Variants in THSD7A observed in about 807,000 individuals in gnomAD.
THSD7A encodes thrombospondin type-1 domain-containing protein 7A.
A neutral mutation model predicts 231.3 loss-of-function variants in THSD7A; 96 were observed. That is an observed-to-expected ratio of 0.41 (90% CI 0.35 to 0.49). The LOEUF (loss-of-function observed/expected upper bound fraction) is 0.49, where lower values mean the gene tolerates loss of function less well. Ranked by LOEUF, THSD7A falls within the 20% of genes least tolerant of loss-of-function variation. The probability of loss-of-function intolerance (pLI) is 0.05; values close to 1 mark genes in which losing one functional copy is unlikely to be tolerated. For missense variants in THSD7A, 2,290 were observed against 2,070.2 expected (o/e 1.11, Z -2.06); for synonymous variants, 940 against 743.3 (o/e 1.26, Z -4.30).
In THSD7A at chr7:11,601,530, C is replaced by A. The variant is rs114895681; in HGVS notation, c.1023-8028G>T. ...GACTGTAGGATCACTTCAAGAGATG[C>A]AGCTCTTGTGGGAAATAAAGCTTTT... On this transcript the variant is annotated intron_variant, in intron 2 of 27. Coordinates refer to ENST00000423059, the MANE Select transcript of THSD7A (RefSeq NM_015204.3). Among the ~76,000 whole-genome samples, 364 of 152,276 alleles carry A rather than the reference C, an allele frequency of 2.4e-3. 1 individual carries two copies. The highest frequency in any genetic ancestry group is 8.4e-3 in the African/African-American group (348 of 41,542).
intron 20 of THSD7A, 65 bp from the exon 21 acceptor site, chr7:11,407,120 T>C: frequency 6.3e-7 from 1 of 1,578,338 alleles, no homozygotes; most frequent in South Asian, 1.1e-5. Flanking sequence ...TATATCTCAT[T>C]GGGAGAAGGC....
intron 11 of THSD7A, among the ~76,000 whole-genome samples, chr7:11,453,921 G>A (rs907209398): frequency 2.6e-5 from 4 of 151,940 alleles, no homozygotes; most frequent in African/African-American, 7.2e-5. Flanking sequence ...TCTATCCATA[G>A]TTATTATGGC....
intron 1 of THSD7A, among the ~76,000 whole-genome samples, chr7:11,708,674 G>A (rs1241779738): frequency 1.3e-5 from 2 of 150,596 alleles, no homozygotes; most frequent in Admixed American, 1.3e-4. Flanking sequence ...CTAGCTCAAG[G>A]GTGTCTGCCT....
At chr7:11,776,037 T>A (rs1322751269) in intron 1 of THSD7A, among the ~76,000 whole-genome samples, 2 of 152,154 alleles carry the variant, frequency 1.3e-5, no homozygotes, top group Non-Finnish European at 2.9e-5. Context: ...AAAACGTAAG[T>A]TAATAGCAGA....
chr7:11,671,231 T>G (rs190486280), intron 1 of THSD7A, among the ~76,000 whole-genome samples: 110 of 152,300 alleles, frequency 7.2e-4, no homozygotes, highest in African/African-American at 2.4e-3. Flanking sequence ...GATGGAAACC[T>G]AATGGCCAGC....
intron 1 of THSD7A, among the ~76,000 whole-genome samples, chr7:11,648,037 C>CT (rs1782349869): frequency 6.6e-6 from 1 of 152,096 alleles, no homozygotes; most frequent in Non-Finnish European, 1.5e-5. Flanking sequence ...TTTGGATCCA[C>CT]TTTCATTGAA....
At chr7:11,701,575 T>C (rs1207495958) in intron 1 of THSD7A, among the ~76,000 whole-genome samples, 2 of 151,094 alleles carry the variant, frequency 1.3e-5, no homozygotes, top group African/African-American at 2.4e-5. Context: ...GCAAAAACTG[T>C]GTTTTTTTTC....
intron 2 of THSD7A, among the ~76,000 whole-genome samples, chr7:11,622,534 T>C (rs994076221): frequency 6.6e-6 from 1 of 152,128 alleles, no homozygotes; most frequent in African/African-American, 2.4e-5. Flanking sequence ...ATCCAGGCCA[T>C]CTGAATCTGA....
Position 11,653,933 on chromosome 7 carries a change from T to C in THSD7A, c.191-16972A>G, listed in dbSNP as rs549910104. Among the ~76,000 whole-genome samples the C allele has an allele frequency of 2.0e-5, 3 of 152,046 alleles. No homozygotes were observed. The South Asian group carries it at 6.2e-4, about 32-fold the overall frequency. ...TTCACTTGAATTAATAGTTTATTGATTATTATTGAGTAAAAATATTCACAA... is the reference window on the plus strand; with the variant it reads ...TTCACTTGAATTAATAGTTTATTGACTATTATTGAGTAAAAATATTCACAA... On this transcript the variant is annotated intron_variant, in intron 1 of 27. Coordinates refer to ENST00000423059, the MANE Select transcript of THSD7A (RefSeq NM_015204.3).
At chr7:11,442,591 A>G (rs1212439180) in intron 13 of THSD7A, among the ~76,000 whole-genome samples, 1 of 152,084 alleles carries the variant, frequency 6.6e-6, no homozygotes, top group Non-Finnish European at 1.5e-5. Context: ...CATAGAGATT[A>G]TAATTAGGGG....
intron 13 of THSD7A, among the ~76,000 whole-genome samples, chr7:11,431,049 C>CT (rs1491563705): frequency 2.8e-4 from 43 of 152,126 alleles, no homozygotes; most frequent in Non-Finnish European, 8.8e-5. Flanking sequence ...ACTCACTTAG[C>CT]TTTTTCAGGA....
At chr7:11,742,362 C>A (rs1321736393) in intron 1 of THSD7A, among the ~76,000 whole-genome samples, 5 of 151,910 alleles carry the variant, frequency 3.3e-5, no homozygotes, top group East Asian at 2.0e-4. Context: ...ACAACAACAA[C>A]AAAAAATACG....
At chr7:11,453,575 G>C (rs1214522165) in intron 11 of THSD7A, among the ~76,000 whole-genome samples, 1 of 151,868 alleles carries the variant, frequency 6.6e-6, no homozygotes, top group Non-Finnish European at 1.5e-5. Flanking sequence ...AAACAGAGGG[G>C]CTATTAGATT....
At chr7:11,550,528 GT>G (rs1390503026) in intron 4 of THSD7A, among the ~76,000 whole-genome samples, 1 of 152,052 alleles carries the variant, frequency 6.6e-6, no homozygotes, top group Non-Finnish European at 1.5e-5. Flanking sequence ...ATATCTGGTG[GT>G]TTCGAAGTGA....
intron 15 of THSD7A, among the ~76,000 whole-genome samples, chr7:11,425,293 T>G (rs749905112): frequency 2.0e-5 from 3 of 152,152 alleles, no homozygotes; most frequent in Non-Finnish European, 4.4e-5. Flanking sequence ...TAAATATAAT[T>G]TGGCCTATTT....
Position 11,383,499 on chromosome 7 carries a change from C to G in THSD7A, c.4412-883G>C, listed in dbSNP as rs151020345. Reference sequence around the variant, plus strand: ...GGTATCACTGTATGGCTAGCTGAAACTTTATTAAATATTGCCCATTTTTTT... The same window carrying G: ...GGTATCACTGTATGGCTAGCTGAAAGTTTATTAAATATTGCCCATTTTTTT... On this transcript the variant is annotated intron_variant, in intron 23 of 27. Transcript: ENST00000423059. Among the ~76,000 whole-genome samples, 718 of 152,026 alleles carry G rather than the reference C, an allele frequency of 4.7e-3. 9 individuals are homozygous for G. Among genetic ancestry groups the G allele is most frequent in the African/African-American group, 0.016 (668 of 41,540 alleles).
chr7:11,759,046 A>G (rs951497771), intron 1 of THSD7A, among the ~76,000 whole-genome samples: 4 of 152,076 alleles, frequency 2.6e-5, no homozygotes, highest in African/African-American at 9.7e-5. Flanking sequence ...GAGAAAGTAA[A>G]CACAAATTAT....
At chr7:11,567,059 A>C (rs1396425309) in intron 4 of THSD7A, among the ~76,000 whole-genome samples, 1 of 145,002 alleles carries the variant, frequency 6.9e-6, no homozygotes, top group African/African-American at 2.6e-5. Context: ...ATCTCCCTCC[A>C]GTCCTAACTT....
At position 11,377,355 on chromosome 7, in the gene THSD7A, T is replaced by C. The variant is rs1422347788; in HGVS notation, c.4802-698A>G. 6.6e-6 allele frequency among the ~76,000 whole-genome samples: 1 copy of C among 152,118 alleles called. No individual in the cohort carries two copies. Among genetic ancestry groups the C allele is most frequent in the African/African-American group, 2.4e-5 (1 of 41,450 alleles). On this transcript the variant is annotated intron_variant, in intron 26 of 27. Coordinates refer to ENST00000423059, the MANE Select transcript of THSD7A (RefSeq NM_015204.3). This position sits in a 1 kb window ranked among gnomAD's most constrained non-coding sequence, Gnocchi z 4.5. Reference sequence around the variant, plus strand: ...GTCTCATCTTTGAACTCCTCAGTTCTATGCTCCGAATAAACTTCAAGCACA... The same window carrying C: ...GTCTCATCTTTGAACTCCTCAGTTCCATGCTCCGAATAAACTTCAAGCACA...
Sources: allele counts gnomAD v4.1 joint callset (sites outside exome capture counted in the v4.1 genomes callset), GRCh38; gene constraint gnomAD v4.1.1; non-coding constraint Gnocchi (gnomAD v3.1); transcripts MANE v1.5; gene names NCBI Gene and HGNC (gene_info 2026-07-23, HGNC 2026-07-21).